Variants in CCDC73 observed in about 807,000 individuals in gnomAD.
The protein encoded by CCDC73 is coiled-coil domain-containing protein 73.
In CCDC73, 95 loss-of-function variants were observed where a neutral mutation model predicts 116.5. The ratio of observed to expected loss-of-function variants is 0.82; its 90% confidence interval spans 0.69 to 0.97. The LOEUF (loss-of-function observed/expected upper bound fraction) is 0.97, where lower values mean the gene tolerates loss of function less well. Ranked by LOEUF, CCDC73 falls within the 50% of genes least tolerant of loss-of-function variation. The pLI, the probability that CCDC73 is intolerant of heterozygous loss-of-function variation, is 0.00. For synonymous variants in CCDC73, 398 were observed against 401.3 expected (o/e 0.99, Z 0.10); for missense variants, 1,066 against 1,206.8 (o/e 0.88, Z 1.73).
At chr11:32,701,512 G>A (rs977220648) in intron 4 of CCDC73, among the ~76,000 whole-genome samples, 3 of 152,006 alleles carry the variant, frequency 2.0e-5, no homozygotes, top group Non-Finnish European at 4.4e-5. Flanking sequence ...ACCAGCCTGG[G>A]CAATGTAGTA....
At chr11:32,746,592 T>C (rs959059963) in intron 2 of CCDC73, among the ~76,000 whole-genome samples, 8 of 152,222 alleles carry the variant, frequency 5.3e-5, no homozygotes, top group African/African-American at 1.2e-4. Flanking sequence ...TCTTTTCACA[T>C]AGTCTCATAT....
rs1395831675 is a variant in CCDC73, at chr11:32,613,673, C to G, written c.2645G>C (p.Gly882Ala). 3 of 1,613,974 alleles carry G rather than the reference C, an allele frequency of 1.9e-6. No homozygotes were observed. The African/African-American group carries it at 4.0e-5, about 22-fold the overall frequency. The change falls in exon 16 of 18, where the codon GGA (glycine) becomes GCA (alanine). Residue 882 changes from glycine (G) to alanine (A), a missense_variant. Gly to Ala is a moderately conservative substitution (Grantham distance 60). Transcript: ENST00000335185. Reference protein sequence around the residue: ...EPSGDLVNRSGRSTFDLSTSD... With the variant: ...EPSGDLVNRSARSTFDLSTSD... ...AGTTGAAAGATCAAAGGTTGACCTT[C>G]CGCTTCTGTTTACTAAATCTCCAGA...
At chr11:32,681,276 C>T (rs1856140451) in intron 7 of CCDC73, 1 of 151,930 alleles carries the variant, frequency 6.6e-6, no homozygotes, top group Admixed American at 6.6e-5. Flanking sequence ...TCAATTATTA[C>T]CCAACATGGT....
In CCDC73 at chr11:32,755,877, A is replaced by G. The variant is rs185644450; in HGVS notation, c.135+4232T>C. Among the ~76,000 whole-genome samples, 755 of 119,196 alleles carry G rather than the reference A, an allele frequency of 6.3e-3. 140 individuals carry two copies. Among genetic ancestry groups the G allele is most frequent in the Non-Finnish European group, 7.0e-3 (427 of 61,080 alleles). 78.2% of individuals were successfully genotyped at this position (119,196 alleles called of 152,430 possible). A position where few individuals can be genotyped will look rare whatever the true frequency, so the allele number is the denominator to read the frequency against. ...TGTGTGTATATATCTCCATATATATATCTGTGTATATATCTCCATATATAT... is the reference window on the plus strand; with the variant it reads ...TGTGTGTATATATCTCCATATATATGTCTGTGTATATATCTCCATATATAT... On this transcript the variant is annotated intron_variant, in intron 2 of 17. Transcript: ENST00000335185.
At chr11:32,800,570 T>A in the CCDC73 span, among the ~76,000 whole-genome samples, 1 of 152,214 alleles carries the variant, frequency 6.6e-6, no homozygotes, top group African/African-American at 2.4e-5. Context: ...TCAACATATG[T>A]ATAAAATTTA....
chr11:32,757,434 CAGAT>C (rs1565094843), intron 2 of CCDC73, among the ~76,000 whole-genome samples: 1 of 152,088 alleles, frequency 6.6e-6, no homozygotes, highest in East Asian at 1.9e-4. Flanking sequence ...AGACCAATGA[CAGAT>C]AGATATACTA....
intron 16 of CCDC73, 34 bp from the exon 17 acceptor site, chr11:32,611,299 T>A (rs1473676403): frequency 6.3e-7 from 1 of 1,595,168 alleles, no homozygotes; most frequent in African/African-American, 1.3e-5. Flanking sequence ...AACAACTGAA[T>A]TTTTCTCTAG....
the CCDC73 span, among the ~76,000 whole-genome samples, chr11:32,812,436 C>A: frequency 6.6e-6 from 1 of 152,062 alleles, no homozygotes; most frequent in Non-Finnish European, 1.5e-5. Context: ...GAGGCCGAGG[C>A]GGGTGGATCA....
chr11:32,806,973 G>A, the CCDC73 span, among the ~76,000 whole-genome samples: 1 of 152,110 alleles, frequency 6.6e-6, no homozygotes, highest in Non-Finnish European at 1.5e-5. Flanking sequence ...TTTAAGAAGG[G>A]GTCCAGGGAA....
rs761591957 is a variant in CCDC73 at position 32,615,914 on chromosome 11, A to G, written c.1375+26T>C. 1.9e-5 allele frequency: 28 copies of G among 1,493,026 alleles called. 2 individuals are homozygous for G. In the South Asian group the frequency reaches 3.2e-4, roughly 17 times the overall value. The allele number at this position is 1,493,026 out of a possible 1,614,324, so 92.5% of individuals were successfully genotyped here. On this transcript the variant is annotated intron_variant, in intron 15 of 17. Coordinates refer to ENST00000335185, the MANE Select transcript of CCDC73 (RefSeq NM_001008391.4). Reference sequence around the variant, plus strand: ...TGTAAATATCAACATACAAATTAGAAAATATCAATATAATTTTAAGGTTAC... The same window carrying G: ...TGTAAATATCAACATACAAATTAGAGAATATCAATATAATTTTAAGGTTAC...
rs373321521 is a variant in CCDC73, at chr11:32,675,578, C to A, written c.632G>T (p.Cys211Phe). ...TATCAATCATACCTTCTTTAAACTG[C>A]ATATTTCAGCTTCTTGTTTTTTATT... The part of the protein sequence containing the change: ...ALNKKQEAEI[C>F]SLKKELKKAA... Residue 211 changes from cysteine to phenylalanine, a missense_variant, in exon 9 of 18, where the codon TGC becomes TTC. By Grantham distance (205) the Cys-to-Phe change is radical. Coordinates refer to ENST00000335185, the MANE Select transcript of CCDC73 (RefSeq NM_001008391.4). 22 of 1,576,370 alleles carry A rather than the reference C, an allele frequency of 1.4e-5. No homozygotes were observed. Among genetic ancestry groups the A allele is most frequent in the Admixed American group, 1.9e-5 (1 of 53,870 alleles).
intron 2 of CCDC73, among the ~76,000 whole-genome samples, chr11:32,723,597 A>C (rs1757308139): frequency 6.6e-6 from 1 of 152,172 alleles, no homozygotes; most frequent in Admixed American, 6.5e-5. Flanking sequence ...TCAAGAATTG[A>C]AGAGGCCTGA....
chr11:32,653,711 TATA>T (rs1855846669), intron 11 of CCDC73, among the ~76,000 whole-genome samples: 1 of 152,104 alleles, frequency 6.6e-6, no homozygotes, highest in Non-Finnish European at 1.5e-5. Flanking sequence ...CAAATGAGAG[TATA>T]ATGTCCTGAA....
At position 32,614,104 on chromosome 11, in the gene CCDC73, T is replaced by C; in HGVS notation, c.2214A>G (p.Lys738=). ...KNVHSMSMLV[K]PNSSPGGKTM... ...TTTTTCCCCCAGGGCTTGAGTTAGG[T>C]TTCACCAACATAGACATACTATGGA... Residue 738 remains lysine (K), a synonymous_variant, in exon 16 of 18, where the codon AAA becomes AAG. Coordinates refer to ENST00000335185, the MANE Select transcript of CCDC73 (RefSeq NM_001008391.4). 1 of 1,613,556 alleles carries C rather than the reference T, an allele frequency of 6.2e-7. No individual in the cohort carries two copies. The highest frequency in any genetic ancestry group is 8.5e-7 in the Non-Finnish European group (1 of 1,179,874).
the CCDC73 span, among the ~76,000 whole-genome samples, chr11:32,827,418 G>C: frequency 6.6e-6 from 1 of 152,170 alleles, no homozygotes; most frequent in Admixed American, 6.5e-5. Context: ...CTGAGAAACA[G>C]ACTTCATTTC....
intron 1 of CCDC73, among the ~76,000 whole-genome samples, chr11:32,783,669 G>A (rs1024336507): frequency 1.7e-4 from 26 of 151,752 alleles, no homozygotes; most frequent in African/African-American, 6.3e-4. Context: ...TTTTCATAAG[G>A]GTGCTAATCC....
At chr11:32,766,453 G>A (rs1044108818) in intron 1 of CCDC73, among the ~76,000 whole-genome samples, 7 of 152,174 alleles carry the variant, frequency 4.6e-5, no homozygotes, top group African/African-American at 1.7e-4. Context: ...GGAAGTTCTG[G>A]CCAGGGCAAT....
intron 1 of CCDC73, among the ~76,000 whole-genome samples, chr11:32,780,647 C>T (rs2133396078): frequency 6.6e-6 from 1 of 152,326 alleles, no homozygotes; most frequent in Non-Finnish European, 1.5e-5. Flanking sequence ...TAAGTTATCA[C>T]TATCTAATTG....
intron 1 of CCDC73, among the ~76,000 whole-genome samples, chr11:32,760,773 A>G (rs991463252): frequency 6.6e-6 from 1 of 152,218 alleles, no homozygotes; most frequent in Non-Finnish European, 1.5e-5. Flanking sequence ...AAACTTTTCA[A>G]CTTTTCAGTA....
Sources: gnomAD v4.1 joint callset for allele counts (sites outside exome capture counted in the v4.1 genomes callset) on GRCh38, gnomAD v4.1.1 for gene constraint, MANE v1.5 for transcripts, NCBI Gene and HGNC (gene_info 2026-07-23, HGNC 2026-07-21) for gene names.